Variants in PCTP observed in about 807,000 individuals in gnomAD.
The protein encoded by PCTP is START domain-containing protein 2.
PCTP carries 27 observed loss-of-function variants against 31.0 expected under a neutral mutation model. The observed-to-expected ratio is 0.87, with a 90% confidence interval of 0.64 to 1.20. The LOEUF is 1.20. PCTP is among the 50% of genes most tolerant of loss of function. The pLI is 0.00. For synonymous variants in PCTP, 108 were observed against 101.2 expected, an observed-to-expected ratio of 1.07 and a Z score of -0.40; for missense variants, 287 against 268.2, an observed-to-expected ratio of 1.07 and a Z score of -0.49.
intron 3 of PCTP, among the ~76,000 whole-genome samples, chr17:55,792,930 T>C (rs1264685001): frequency 6.6e-6 from 1 of 152,076 alleles, no homozygotes; most frequent in African/African-American, 2.4e-5. Flanking sequence ...GCACCAAGGG[T>C]ATGGATGAGT....
At chr17:55,789,617 A>T (rs1233997994) in intron 3 of PCTP, among the ~76,000 whole-genome samples, 1 of 152,094 alleles carries the variant, frequency 6.6e-6, no homozygotes, top group Non-Finnish European at 1.5e-5. Flanking sequence ...GGCTTCCTAA[A>T]TCCCTTCCTT....
intron 4 of PCTP, 129 bp downstream of exon 4, chr17:55,774,024 C>A: frequency 1.8e-6 from 2 of 1,115,736 alleles, no homozygotes; most frequent in Admixed American, 2.8e-5. Flanking sequence ...AGCTGCAGAG[C>A]AAACCAGGAT....
At chr17:55,809,631 T>A (rs1312428994) in intron 3 of PCTP, among the ~76,000 whole-genome samples, 5 of 151,674 alleles carry the variant, frequency 3.3e-5, no homozygotes, top group Non-Finnish European at 7.4e-5. Context: ...CAAGCGATTA[T>A]CCTGCCTCAG....
intron 1 of PCTP, among the ~76,000 whole-genome samples, chr17:55,756,271 A>G (rs1397532090): frequency 6.6e-6 from 1 of 152,228 alleles, no homozygotes; most frequent in East Asian, 1.9e-4. Context: ...ATAGTATATG[A>G]TGAAATGTCC....
chr17:55,815,260 A>G (rs1912881365), intron 3 of PCTP, among the ~76,000 whole-genome samples: 2 of 152,278 alleles, frequency 1.3e-5, no homozygotes, highest in Admixed American at 1.3e-4. Flanking sequence ...GCTTTTGGCT[A>G]AATATTGGAA....
chr17:55,816,768 C>T (rs1479955552), intron 3 of PCTP, among the ~76,000 whole-genome samples: 1 of 152,228 alleles, frequency 6.6e-6, no homozygotes, highest in Non-Finnish European at 1.5e-5. Flanking sequence ...TGTGTGTTAA[C>T]AGGCAATAAC....
intron 5 of PCTP, among the ~76,000 whole-genome samples, chr17:55,839,115 CAT>C (rs1391630545): frequency 1.3e-5 from 2 of 152,194 alleles, no homozygotes; most frequent in African/African-American, 4.8e-5. Context: ...TTTCTATTAT[CAT>C]ATGTCATTTT....
intron 3 of PCTP, among the ~76,000 whole-genome samples, chr17:55,810,981 TA>T (rs1032978195): frequency 6.6e-6 from 1 of 152,210 alleles, no homozygotes; most frequent in Non-Finnish European, 1.5e-5. Flanking sequence ...CAGAGTTCTT[TA>T]AAGACATCAG....
intron 5 of PCTP, among the ~76,000 whole-genome samples, chr17:55,837,364 G>T (rs977231315): frequency 2.6e-5 from 4 of 152,158 alleles, no homozygotes; most frequent in African/African-American, 9.7e-5. Context: ...TAGACTCTTA[G>T]ATTGTATTCG....
intron 2 of PCTP, among the ~76,000 whole-genome samples, 162 bp downstream of exon 2, chr17:55,767,614 G>A (rs930440751): frequency 3.3e-5 from 5 of 151,886 alleles, no homozygotes; most frequent in African/African-American, 4.8e-5. Flanking sequence ...ACAGGCGCCC[G>A]CCACCACACC....
chr17:55,818,951 C>T (rs1286695370), intron 3 of PCTP, among the ~76,000 whole-genome samples: 1 of 140,320 alleles, frequency 7.1e-6, no homozygotes, highest in Non-Finnish European at 1.5e-5. Flanking sequence ...TGCATGGCAG[C>T]CTGTGGCTTC....
chr17:55,791,000 G>T (rs979085462), intron 3 of PCTP, among the ~76,000 whole-genome samples: 1 of 151,540 alleles, frequency 6.6e-6, no homozygotes, highest in Non-Finnish European at 1.5e-5. Flanking sequence ...AAATAACGCC[G>T]CATATCTACA....
In PCTP at chr17:55,776,909, C is replaced by A; in HGVS notation, c.*809C>A. On this transcript the variant is annotated 3_prime_UTR_variant, in exon 6 of 6. Transcript: ENST00000268896. ...ACTGGAAACTGAGGCGTCAAGATGG[C>A]TGTGGCAGCTAGCAAAAGCAAAGAT... 1 of 990,246 alleles carries A rather than the reference C, an allele frequency of 1.0e-6. No homozygotes were observed. Among genetic ancestry groups the A allele is most frequent in the Non-Finnish European group, 1.2e-6 (1 of 833,426 alleles). 61.3% of individuals were successfully genotyped at this position (990,246 alleles called of 1,614,324 possible).
intron 2 of PCTP, among the ~76,000 whole-genome samples, chr17:55,768,688 C>T (rs1910819970): frequency 6.6e-6 from 1 of 152,186 alleles, no homozygotes; most frequent in South Asian, 2.1e-4. Flanking sequence ...GTAGGTTCTT[C>T]TACTACTAGG....
At position 55,773,866 on chromosome 17, in the gene PCTP, T is replaced by TTGG. The variant is rs1275400948; in HGVS notation, c.482_483insTGG (p.Ile161_Glu162insGly). 1 of 1,611,046 alleles carries TTGG rather than the reference T, an allele frequency of 6.2e-7. No individual in the cohort carries two copies. The highest frequency in any genetic ancestry group is 8.5e-7 in the Non-Finnish European group (1 of 1,178,350). On this transcript the variant is annotated inframe_insertion, in exon 4 of 6. Coordinates refer to ENST00000268896, the MANE Select transcript of PCTP (RefSeq NM_021213.4). ...AAGCAATACAAGCAGAGCCTGGCGATCGAGAGTGACGGCAAGAAGGGGAGC... is the reference window on the plus strand; with the variant it reads ...AAGCAATACAAGCAGAGCCTGGCGATTGGCGAGAGTGACGGCAAGAAGGGGAGC...
chr17:55,795,311 A>G (rs1912149250), intron 3 of PCTP, among the ~76,000 whole-genome samples: 1 of 152,008 alleles, frequency 6.6e-6, no homozygotes, highest in Non-Finnish European at 1.5e-5. Flanking sequence ...TTAGGTCTGC[A>G]CTCAAACGAG....
intron 5 of PCTP, among the ~76,000 whole-genome samples, chr17:55,836,836 A>G (rs368523393): frequency 2.0e-5 from 3 of 152,224 alleles, no homozygotes; most frequent in East Asian, 3.8e-4. Context: ...GTGACTAATA[A>G]TAAGCCAAAA....
At chr17:55,785,597 CCAAA>C (rs997990672) in intron 2 of PCTP, among the ~76,000 whole-genome samples, 17 of 152,354 alleles carry the variant, frequency 1.1e-4, no homozygotes, top group Non-Finnish European at 1.9e-4. Flanking sequence ...ACAAACCAAA[CCAAA>C]CAAAATGATC....
At chr17:55,837,273 A>G (rs1204655864) in intron 5 of PCTP, among the ~76,000 whole-genome samples, 1 of 152,188 alleles carries the variant, frequency 6.6e-6, no homozygotes, top group African/African-American at 2.4e-5. Context: ...GACAATGGCA[A>G]CCTAAATGGG....
Sources: allele counts gnomAD v4.1 joint callset (sites outside exome capture counted in the v4.1 genomes callset), GRCh38; gene constraint gnomAD v4.1.1; transcripts MANE v1.5; gene names NCBI Gene and HGNC (gene_info 2026-07-23, HGNC 2026-07-21).